Variants in NOTCH2NLC observed in about 807,000 individuals in gnomAD.
NOTCH2NLC encodes notch homolog 2 N-terminal-like protein C.
A neutral mutation model predicts 17.7 loss-of-function variants in NOTCH2NLC; 4 were observed. The observed-to-expected ratio is 0.23, with a 90% confidence interval of 0.11 to 0.52. The LOEUF (loss-of-function observed/expected upper bound fraction) is 0.52, where lower values mean the gene tolerates loss of function less well. NOTCH2NLC is among the 20% of genes least tolerant of loss of function. NOTCH2NLC has a pLI of 0.96. For missense variants in NOTCH2NLC, 57 were observed against 207.2 expected (o/e 0.28, Z 4.45); for synonymous variants, 18 against 86.0 (o/e 0.21, Z 4.38).
chr1:149,462,047 G>A (rs2084653296), intron 3 of NOTCH2NLC, among the ~76,000 whole-genome samples: 1 of 135,528 alleles, frequency 7.4e-6, no homozygotes, highest in South Asian at 2.5e-4. Context: ...CGAGTTAATG[G>A]GTGCAGCACA....
intron 2 of NOTCH2NLC, among the ~76,000 whole-genome samples, chr1:149,448,945 G>A (rs1436231330): frequency 6.9e-6 from 1 of 144,920 alleles, no homozygotes; most frequent in Non-Finnish European, 1.5e-5. Context: ...GCAGTGGCGC[G>A]ATCTTGGCTC....
intron 1 of NOTCH2NLC, among the ~76,000 whole-genome samples, chr1:149,419,855 ATT>A (rs1166865199): frequency 1.7e-3 from 133 of 78,148 alleles, no homozygotes; most frequent in African/African-American, 5.8e-3. Context: ...ATATATATAT[ATT>A]TTTTTTTTTT....
chr1:149,429,867 A>G (rs2084435949), intron 1 of NOTCH2NLC, among the ~76,000 whole-genome samples: 1 of 150,626 alleles, frequency 6.6e-6, no homozygotes, highest in African/African-American at 2.4e-5. Flanking sequence ...GTATTTATAC[A>G]TTAACTATCA....
At position 149,391,003 on chromosome 1, in the gene NOTCH2NLC, C is replaced by G. The variant is rs2084163011; in HGVS notation, c.135+81C>G. The G allele has an allele frequency of 9.0e-6, 10 of 1,116,166 alleles. 1 individual carries two copies. The highest frequency in any genetic ancestry group is 1.0e-4 in the Admixed American group (2 of 19,636). 69.1% of individuals were successfully genotyped at this position (1,116,166 alleles called of 1,614,324 possible). A position where few individuals can be genotyped will look rare whatever the true frequency, so the allele number is the denominator to read the frequency against. Reference sequence around the variant, plus strand: ...GACCCTTCTCCCCCTCGGTCCTTCTCTGTGTGGGAAGGCCAGGCTCGGCCG... The same window carrying G: ...GACCCTTCTCCCCCTCGGTCCTTCTGTGTGTGGGAAGGCCAGGCTCGGCCG... On this transcript the variant is annotated intron_variant, in intron 1 of 4. Transcript: ENST00000650865.
At chr1:149,418,926 C>T (rs1206082509) in intron 1 of NOTCH2NLC, among the ~76,000 whole-genome samples, 16 of 150,968 alleles carry the variant, frequency 1.1e-4, no homozygotes, top group Non-Finnish European at 1.6e-4. Context: ...TTCGCTCGCT[C>T]GCTTGCTCTT....
intron 1 of NOTCH2NLC, among the ~76,000 whole-genome samples, chr1:149,412,931 G>A (rs1160601333): frequency 7.7e-5 from 10 of 130,020 alleles, no homozygotes; most frequent in African/African-American, 2.8e-4. Flanking sequence ...TTGAGACAGG[G>A]CCTCACTCTG....
At chr1:149,419,116 A>T in intron 1 of NOTCH2NLC, among the ~76,000 whole-genome samples, 3 of 118,136 alleles carry the variant, frequency 2.5e-5, no homozygotes, top group Admixed American at 9.1e-5. Flanking sequence ...TTTATTACTC[A>T]TTTGTGAGAA....
intron 1 of NOTCH2NLC, among the ~76,000 whole-genome samples, chr1:149,398,337 G>T (rs1388026366): frequency 6.7e-6 from 1 of 149,412 alleles, no homozygotes; most frequent in African/African-American, 2.5e-5. Context: ...GTGGGTTTGC[G>T]GCAAGAGAGA....
At chr1:149,457,538 ATCTT>A (rs2084620722) in intron 3 of NOTCH2NLC, among the ~76,000 whole-genome samples, 1 of 145,390 alleles carries the variant, frequency 6.9e-6, no homozygotes, top group Non-Finnish European at 1.5e-5. Flanking sequence ...TATATTGGCA[ATCTT>A]TATATATATA....
chr1:149,400,007 A>G (rs2084233698), intron 1 of NOTCH2NLC, among the ~76,000 whole-genome samples: 1 of 149,632 alleles, frequency 6.7e-6, no homozygotes, highest in Non-Finnish European at 1.5e-5. Flanking sequence ...ATGTTTGAAG[A>G]ATCTAGAAAA....
Position 149,390,708 on chromosome 1 carries a change from A to T in NOTCH2NLC, c.-80A>T, listed in dbSNP as rs1313747809. Reference sequence around the variant, plus strand: ...CGAGGCATTTGCGCCTGTGCTTCGGACCGTAGCGCCAGGGCCTGAGCCTTT... The same window carrying T: ...CGAGGCATTTGCGCCTGTGCTTCGGTCCGTAGCGCCAGGGCCTGAGCCTTT... On this transcript the variant is annotated 5_prime_UTR_variant, in exon 1 of 5. Transcript: ENST00000650865. The T allele has an allele frequency of 9.3e-5, 115 of 1,237,506 alleles. 5 individuals are homozygous for T. The South Asian group carries it at 2.0e-3, about 21-fold the overall frequency. The allele number at this position is 1,237,506 out of a possible 1,614,324, so 76.7% of individuals were successfully genotyped here. A position where few individuals can be genotyped will look rare whatever the true frequency, so the allele number is the denominator to read the frequency against.
rs1468206210 is a variant in NOTCH2NLC, at chr1:149,425,591, A to C, written c.136-5351A>C. On this transcript the variant is annotated intron_variant, in intron 1 of 4. Transcript: ENST00000650865. ...CTTGTCCTTGGAAGAAAAAGTGTCAAACTTGGTACTGTGTGAAGGTACTGC... is the reference window on the plus strand; with the variant it reads ...CTTGTCCTTGGAAGAAAAAGTGTCACACTTGGTACTGTGTGAAGGTACTGC... Among the ~76,000 whole-genome samples the C allele has an allele frequency of 7.0e-3, 1,038 of 147,708 alleles. 22 individuals carry two copies. The highest frequency in any genetic ancestry group is 0.011 in the Non-Finnish European group (735 of 65,978).
At chr1:149,435,481 C>G (rs2101492755) in intron 2 of NOTCH2NLC, among the ~76,000 whole-genome samples, 1 of 149,340 alleles carries the variant, frequency 6.7e-6, no homozygotes, top group South Asian at 2.2e-4. Flanking sequence ...AAATCTTAGT[C>G]ATGAGATAGG....
rs1175539238 is a variant in NOTCH2NLC at position 149,468,958 on chromosome 1, CTT to C, written c.*4828_*4829del. On this transcript the variant is annotated 3_prime_UTR_variant, in exon 5 of 5. Transcript: ENST00000650865. Reference sequence around the variant, plus strand: ...GGCATGTGTCATTTTCTTTTCTTTTCTTTTTTTTTTTTTTTTTTTTTTTTGAG... The same window carrying C: ...GGCATGTGTCATTTTCTTTTCTTTTCTTTTTTTTTTTTTTTTTTTTTTGAG... Among the ~76,000 whole-genome samples the C allele has an allele frequency of 5.4e-3, 289 of 53,324 alleles. No homozygotes were observed. The highest frequency in any genetic ancestry group is 0.018 in the East Asian group (25 of 1,422). 35.0% of individuals were successfully genotyped at this position (53,324 alleles called of 152,430 possible).
In NOTCH2NLC at chr1:149,467,512, A is replaced by G. The variant is rs2084692004; in HGVS notation, c.*3359A>G. ...AGAGAGAACTAATAGAATCAAATCA[A>G]TGAACCATGTCTCATCTTTTTGGAT... On this transcript the variant is annotated 3_prime_UTR_variant, in exon 5 of 5. Coordinates refer to ENST00000650865, the MANE Select transcript of NOTCH2NLC (RefSeq NM_001364013.2). 1 of 130,806 alleles carries G rather than the reference A, an allele frequency of 7.6e-6. No homozygotes were observed. The highest frequency in any genetic ancestry group is 1.6e-5 in the Non-Finnish European group (1 of 61,294). 8.1% of individuals were successfully genotyped at this position (130,806 alleles called of 1,614,324 possible).
chr1:149,451,493 TA>T (rs2084591192), intron 2 of NOTCH2NLC, among the ~76,000 whole-genome samples: 1 of 148,400 alleles, frequency 6.7e-6, no homozygotes, highest in South Asian at 2.1e-4. Context: ...AGTAAAGAAC[TA>T]AGCTGATGTC....
Position 149,466,272 on chromosome 1 carries a change from GTGTGGTA to G in NOTCH2NLC, c.*2121_*2127del, listed in dbSNP as rs1332349115. Reference sequence around the variant, plus strand: ...TGTGTGTGTGTGTGTGTGTGTGTGTGTGTGGTATATATATATATATCGCATTGTGCAG... The same window carrying G: ...TGTGTGTGTGTGTGTGTGTGTGTGTGTATATATATATATCGCATTGTGCAG... On this transcript the variant is annotated 3_prime_UTR_variant, in exon 5 of 5. Coordinates refer to ENST00000650865, the MANE Select transcript of NOTCH2NLC (RefSeq NM_001364013.2). 3.0e-5 allele frequency: 4 copies of G among 133,030 alleles called. No homozygotes were observed. The highest frequency in any genetic ancestry group is 1.1e-4 in the African/African-American group (4 of 37,018). 8.2% of individuals were successfully genotyped at this position (133,030 alleles called of 1,614,324 possible).
intron 2 of NOTCH2NLC, among the ~76,000 whole-genome samples, chr1:149,433,368 G>C (rs1458088809): frequency 6.8e-6 from 1 of 147,024 alleles, no homozygotes; most frequent in Non-Finnish European, 1.5e-5. Flanking sequence ...GATAGGTGCA[G>C]CAAACCACCA....
intron 1 of NOTCH2NLC, among the ~76,000 whole-genome samples, chr1:149,396,881 TTTTG>T (rs1183485194): frequency 1.1e-5 from 1 of 89,064 alleles, no homozygotes; most frequent in Non-Finnish European, 2.3e-5. Context: ...AAGTGTTTGT[TTTTG>T]TTTGTTTGTT....
Sources: gnomAD v4.1 joint callset for allele counts (sites outside exome capture counted in the v4.1 genomes callset) on GRCh38, gnomAD v4.1.1 for gene constraint, MANE v1.5 for transcripts, NCBI Gene and HGNC (gene_info 2026-07-23, HGNC 2026-07-21) for gene names.